The following ITPRID1 variants were observed in gnomAD, a reference collection of about 807,000 sequenced individuals.
ITPRID1 encodes ITPR interacting domain containing 1, also known as protein ITPRID1.
ITPRID1 carries 96 observed loss-of-function variants against 95.4 expected under a neutral mutation model. That is an observed-to-expected ratio of 1.01 (90% confidence interval 0.85 to 1.19). The LOEUF (loss-of-function observed/expected upper bound fraction) is 1.19. Ranked by LOEUF, ITPRID1 falls within the 50% of genes most tolerant of loss-of-function variation. ITPRID1 has a pLI of 0.00. For missense variants in ITPRID1, 1,339 were observed against 1,252.9 expected, an observed-to-expected ratio of 1.07 and a Z score of -1.04; for synonymous variants, 510 against 453.6, an observed-to-expected ratio of 1.12 and a Z score of -1.58.
intron 6 of ITPRID1, among the ~76,000 whole-genome samples, chr7:31,570,349 T>A (rs1341346087): frequency 6.6e-6 from 1 of 152,156 alleles, no homozygotes; most frequent in Non-Finnish European, 1.5e-5. Flanking sequence ...CCAGATCATT[T>A]GGAGGTAGGG....
intron 12 of ITPRID1, 88 bp from the exon 13 acceptor site, chr7:31,651,054 C>A: frequency 6.8e-7 from 1 of 1,461,874 alleles, no homozygotes. Context: ...AAAAAGGGAT[C>A]CCAAATGGGA....
chr7:31,551,914 G>A (rs1486418046), intron 2 of ITPRID1: 2 of 418,858 alleles, frequency 4.8e-6, no homozygotes, highest in Non-Finnish European at 9.6e-6. Context: ...CATATGTCAT[G>A]GAAGTAATTG....
intron 8 of ITPRID1, 148 bp from the exon 9 acceptor site, chr7:31,577,715 A>T: frequency 1.6e-6 from 1 of 624,758 alleles, no homozygotes; most frequent in South Asian, 2.3e-5. Flanking sequence ...GTAATGGCAT[A>T]TACTGAGAAA....
rs1791309783 is a variant in ITPRID1, at chr7:31,656,447, G to C, written c.*3618G>C. ...GTCCATCACGTAGTAAGTGTTCAAT[G>C]CATGTTGGCTATTATTACAAGTGCA... On this transcript the variant is annotated 3_prime_UTR_variant, in exon 15 of 15. Coordinates refer to ENST00000615280, the MANE Select transcript of ITPRID1 (RefSeq NM_001257967.3). 1.8e-5 allele frequency: 17 copies of C among 921,140 alleles called. No homozygotes were observed. Among genetic ancestry groups the C allele is most frequent in the Non-Finnish European group, 2.1e-5 (16 of 771,354 alleles). 57.1% of individuals were successfully genotyped at this position (921,140 alleles called of 1,614,324 possible). A position where few individuals can be genotyped will look rare whatever the true frequency, so the allele number is the denominator to read the frequency against.
Position 31,655,905 on chromosome 7 carries a change from C to G in ITPRID1, c.*3076C>G. ...CACCTGGCTCTAGGATGTCCCTCACCTGGCAGCCATCTGCTTTACCAGTCT... is the reference window on the plus strand; with the variant it reads ...CACCTGGCTCTAGGATGTCCCTCACGTGGCAGCCATCTGCTTTACCAGTCT... On this transcript the variant is annotated 3_prime_UTR_variant, in exon 15 of 15. Coordinates refer to ENST00000615280, the MANE Select transcript of ITPRID1 (RefSeq NM_001257967.3). 12 of 985,506 alleles carry G rather than the reference C, an allele frequency of 1.2e-5. No homozygotes were observed. The highest frequency in any genetic ancestry group is 1.3e-5 in the Non-Finnish European group (11 of 829,992). The allele number at this position is 985,506 out of a possible 1,614,324, so 61.0% of individuals were successfully genotyped here. A position where few individuals can be genotyped will look rare whatever the true frequency, so the allele number is the denominator to read the frequency against.
At chr7:31,581,652 A>G (rs12701121) in intron 9 of ITPRID1, among the ~76,000 whole-genome samples, 57,121 of 151,956 alleles carry the variant, frequency 0.38, 12,132 homozygotes, top group East Asian at 0.53. Flanking sequence ...TTATTAATTA[A>G]TAAGTGTGGC....
At chr7:31,622,240 C>G (rs1787980929) in intron 10 of ITPRID1, among the ~76,000 whole-genome samples, 2 of 148,562 alleles carry the variant, frequency 1.3e-5, no homozygotes, top group Non-Finnish European at 3.0e-5. Context: ...GACCTCAGCT[C>G]TGCACCAAGC....
intron 12 of ITPRID1, among the ~76,000 whole-genome samples, chr7:31,645,590 A>C (rs2128213482): frequency 6.6e-6 from 1 of 152,208 alleles, no homozygotes; most frequent in Admixed American, 6.5e-5. Context: ...CATCACCATA[A>C]CCATCATCAC....
intron 6 of ITPRID1, among the ~76,000 whole-genome samples, chr7:31,571,568 A>T (rs1221918687): frequency 6.6e-6 from 1 of 152,252 alleles, no homozygotes; most frequent in Non-Finnish European, 1.5e-5. Context: ...TCTGCAAAGC[A>T]GGCCTATTGG....
intron 5 of ITPRID1, among the ~76,000 whole-genome samples, chr7:31,559,816 A>G (rs1390327923): frequency 6.6e-6 from 1 of 152,146 alleles, no homozygotes; most frequent in Non-Finnish European, 1.5e-5. Flanking sequence ...TGAGCCTTAG[A>G]CTTAGGCTGG....
intron 2 of ITPRID1, among the ~76,000 whole-genome samples, chr7:31,552,361 T>TATCACAGC: frequency 2.0e-5 from 2 of 102,516 alleles, no homozygotes; most frequent in Non-Finnish European, 4.9e-5. Context: ...CAATTTACCA[T>TATCACAGC]AAAATTGTGA....
intron 10 of ITPRID1, among the ~76,000 whole-genome samples, chr7:31,607,748 T>A (rs38329): frequency 0.85 from 129,441 of 151,492 alleles, 55,424 homozygotes; most frequent in East Asian, 0.99. Flanking sequence ...TTCAAAAAAA[T>A]CTACAATGTG....
intron 10 of ITPRID1, among the ~76,000 whole-genome samples, chr7:31,620,399 C>T: frequency 6.6e-6 from 1 of 151,988 alleles, no homozygotes; most frequent in South Asian, 2.1e-4. Flanking sequence ...CCGGGTACTC[C>T]TCTGAGACAA....
At chr7:31,642,643 T>C in intron 11 of ITPRID1, 39 bp from the exon 12 acceptor site, 1 of 1,582,796 alleles carries the variant, frequency 6.3e-7, no homozygotes, top group East Asian at 2.2e-5. Flanking sequence ...CCTCCTCCAC[T>C]TCCTGACCTG....
At chr7:31,537,020 C>A (rs921804320) in intron 1 of ITPRID1, among the ~76,000 whole-genome samples, 1 of 151,960 alleles carries the variant, frequency 6.6e-6, no homozygotes, top group African/African-American at 2.4e-5. Context: ...GAAAATTTCA[C>A]TTAGCTATCC....
intron 10 of ITPRID1, among the ~76,000 whole-genome samples, chr7:31,614,678 A>C (rs894520377): frequency 6.6e-6 from 1 of 152,242 alleles, no homozygotes; most frequent in Non-Finnish European, 1.5e-5. Flanking sequence ...GTTATAAAAA[A>C]CAAAATGGGT....
At chr7:31,587,431 A>C (rs2128152137) in intron 10 of ITPRID1, among the ~76,000 whole-genome samples, 1 of 151,544 alleles carries the variant, frequency 6.6e-6, no homozygotes, top group East Asian at 1.9e-4. Context: ...CCAACTTACA[A>C]GGGATGTGAA....
rs770810403 is a variant in ITPRID1, at chr7:31,653,082, C to G, written c.*253C>G. ...TGACTAAATAGTATACGGTCTCTGCCCTGCTAGAACTTACAGTGTAGTGGG... is the reference window on the plus strand; with the variant it reads ...TGACTAAATAGTATACGGTCTCTGCGCTGCTAGAACTTACAGTGTAGTGGG... On this transcript the variant is annotated 3_prime_UTR_variant, in exon 15 of 15. Transcript: ENST00000615280. 2 of 845,988 alleles carry G rather than the reference C, an allele frequency of 2.4e-6. No individual in the cohort carries two copies. Among genetic ancestry groups the G allele is most frequent in the Admixed American group, 6.8e-5 (2 of 29,266 alleles). The allele number at this position is 845,988 out of a possible 1,614,324, so 52.4% of individuals were successfully genotyped here. A position where few individuals can be genotyped will look rare whatever the true frequency, so the allele number is the denominator to read the frequency against.
At position 31,554,460 on chromosome 7, in the gene ITPRID1, C is replaced by T. The variant is rs540436650; in HGVS notation, c.164-15C>T. On this transcript the variant is annotated splice_polypyrimidine_tract_variant and intron_variant, in intron 3 of 14. Coordinates refer to ENST00000615280, the MANE Select transcript of ITPRID1 (RefSeq NM_001257967.3). Reference sequence around the variant, plus strand: ...TTGTGCTTTGACTAACTGATCTGTTCTTTCTTACTTGTAGAAGATTCCAAG... The same window carrying T: ...TTGTGCTTTGACTAACTGATCTGTTTTTTCTTACTTGTAGAAGATTCCAAG... 1.3e-5 allele frequency: 21 copies of T among 1,610,982 alleles called. No homozygotes were observed. In the African/African-American group the frequency reaches 1.3e-4, roughly 10 times the overall value.
Sources: gnomAD v4.1 joint callset for allele counts (sites outside exome capture counted in the v4.1 genomes callset) on GRCh38, gnomAD v4.1.1 for gene constraint, MANE v1.5 for transcripts, NCBI Gene and HGNC (gene_info 2026-07-23, HGNC 2026-07-21) for gene names.